Variants in NAV1 observed in about 807,000 individuals in gnomAD.
The protein encoded by NAV1 is neuron navigator 1.
Under a neutral mutation model 175.2 loss-of-function variants are expected in NAV1, and 18 were observed. That is an observed-to-expected ratio of 0.10 (90% CI 0.07 to 0.15). NAV1 has a LOEUF of 0.15. Ranked by LOEUF, NAV1 falls within the 10% of genes least tolerant of loss-of-function variation. NAV1 has a pLI of 1.00. For missense variants in NAV1, 1,731 were observed against 2,436.6 expected, an observed-to-expected ratio of 0.71 and a Z score of 6.10; for synonymous variants, 897 against 978.7, an observed-to-expected ratio of 0.92 and a Z score of 1.56.
chr1:201,621,963 TG>T (rs1668185205), upstream of NAV1, among the ~76,000 whole-genome samples: 1 of 152,180 alleles, frequency 6.6e-6, no homozygotes, highest in African/African-American at 2.4e-5. Context: ...GAGGGGAAGC[TG>T]GTGAAGGGGG....
chr1:201,812,020 T>C lies in NAV1; in HGVS notation c.5024+46T>C, dbSNP rs1475212369. On this transcript the variant is annotated intron_variant, in intron 26 of 29. Transcript: ENST00000367296. The surrounding 1 kb of genome is among the most constrained non-coding windows in gnomAD (Gnocchi z 4.6). ...TGAACCTTCTGACCCTACCCAAGAGTCTTCAATCCTGGACTCTGGCCAGGA... is the reference window on the plus strand; with the variant it reads ...TGAACCTTCTGACCCTACCCAAGAGCCTTCAATCCTGGACTCTGGCCAGGA... The C allele has an allele frequency of 1.3e-6, 2 of 1,566,086 alleles. No individual in the cohort carries two copies. The highest frequency in any genetic ancestry group is 1.1e-5 in the South Asian group (1 of 90,014).
chr1:201,754,332 G>A (rs1192010902), intron 3 of NAV1, among the ~76,000 whole-genome samples: 4 of 152,170 alleles, frequency 2.6e-5, no homozygotes, highest in African/African-American at 9.7e-5. Flanking sequence ...GGTGGGCAGA[G>A]GAGGAAGAAG....
chr1:201,717,159 C>A (rs1171396619), intron 2 of NAV1, among the ~76,000 whole-genome samples: 1 of 152,224 alleles, frequency 6.6e-6, no homozygotes, highest in African/African-American at 2.4e-5. Flanking sequence ...TTTCAAGGAA[C>A]TTGATAGAAA....
chr1:201,816,588 T>A (rs903435841), intron 28 of NAV1, among the ~76,000 whole-genome samples: 3 of 152,028 alleles, frequency 2.0e-5, no homozygotes, highest in Non-Finnish European at 4.4e-5. Context: ...TATTTTACAA[T>A]TTATACCAAC....
Position 201,751,683 on chromosome 1 carries a change from T to C in NAV1, c.1227-28738T>C, listed in dbSNP as rs151203047. On this transcript the variant is annotated intron_variant, in intron 3 of 29. Coordinates refer to ENST00000367296, the Ensembl canonical transcript of NAV1. ...GAGTAGAACATCTGCCTTTCAAAAA[T>C]GTTTGGTAAAGCTGGCATTTACAGG... Among the ~76,000 whole-genome samples the C allele has an allele frequency of 3.9e-5, 6 of 152,332 alleles. No individual in the cohort carries two copies. The East Asian group carries it at 1.2e-3, about 29-fold the overall frequency.
chr1:201,784,567 C>CAATT (rs1162794675), intron 7 of NAV1, among the ~76,000 whole-genome samples: 3 of 109,726 alleles, frequency 2.7e-5, no homozygotes, highest in African/African-American at 6.4e-5. Flanking sequence ...ATAATACGAT[C>CAATT]TATTTTTTTT....
chr1:201,569,304 C>T (rs1039415922), intron 1 of NAV1, among the ~76,000 whole-genome samples: 1 of 152,328 alleles, frequency 6.6e-6, no homozygotes, highest in East Asian at 1.9e-4. Context: ...GCAGCTGCAG[C>T]AGTTCACGGC....
At chr1:201,628,632 T>C (rs1668404376) in intron 1 of NAV1, among the ~76,000 whole-genome samples, 1 of 152,116 alleles carries the variant, frequency 6.6e-6, no homozygotes, top group South Asian at 2.1e-4. Context: ...CCTGCCAAGC[T>C]GCCAAAGTCT....
intron 1 of NAV1, among the ~76,000 whole-genome samples, chr1:201,695,816 AG>A (rs1671166361): frequency 1.3e-5 from 2 of 152,220 alleles, no homozygotes; most frequent in African/African-American, 4.8e-5. Flanking sequence ...GAGCAGTCCC[AG>A]GCCTGAGACC....
At chr1:201,688,872 G>A (rs1272579728) in intron 1 of NAV1, among the ~76,000 whole-genome samples, 1 of 152,192 alleles carries the variant, frequency 6.6e-6, no homozygotes, top group Non-Finnish European at 1.5e-5. Context: ...CTATTGAAAA[G>A]GAGGTTGGTT....
Position 201,671,728 on chromosome 1 carries a change from A to T in NAV1, c.757+22303A>T, listed in dbSNP as rs529503562. Among the ~76,000 whole-genome samples, 6 of 152,264 alleles carry T rather than the reference A, an allele frequency of 3.9e-5. No homozygotes were observed. The East Asian group carries it at 1.2e-3, about 29-fold the overall frequency. On this transcript the variant is annotated intron_variant, in intron 1 of 29. Transcript: ENST00000367296. ...TCTAGGCAGTGGGCATTTCTCACAG[A>T]ATCTCCTAGCTATCTGGTCAGCAGA...
chr1:201,683,851 G>A (rs567337), intron 1 of NAV1, among the ~76,000 whole-genome samples: 125,254 of 149,804 alleles, frequency 0.84, 52,336 homozygotes, highest in East Asian at 0.93. Context: ...GTGCAGCCAC[G>A]TTCAAGGAGG....
intron 1 of NAV1, among the ~76,000 whole-genome samples, chr1:201,706,521 G>A (rs1671676405): frequency 6.6e-6 from 1 of 152,192 alleles, no homozygotes; most frequent in Non-Finnish European, 1.5e-5. Context: ...ACACTGGGCA[G>A]GCCCCTCCCC....
intron 1 of NAV1, among the ~76,000 whole-genome samples, chr1:201,652,698 AC>A (rs1159164670): frequency 6.6e-6 from 1 of 152,014 alleles, no homozygotes; most frequent in Non-Finnish European, 1.5e-5. Flanking sequence ...GCTCATCCTT[AC>A]CCCCTAGGGA....
chr1:201,737,786 A>T (rs1261513088), intron 3 of NAV1, among the ~76,000 whole-genome samples: 1 of 152,232 alleles, frequency 6.6e-6, no homozygotes, highest in African/African-American at 2.4e-5. Flanking sequence ...GCTTACAGCT[A>T]GATCTGGAGA....
chr1:201,781,236 G>C, exon 5 of NAV1: 1 of 1,614,006 alleles, frequency 6.2e-7, no homozygotes, highest in Non-Finnish European at 8.5e-7. Flanking sequence ...GTTCCCTGAA[G>C]AAGGGCAAGA....
In NAV1 at chr1:201,758,581, G is replaced by A. The variant is rs142548293; in HGVS notation, c.1227-21840G>A. Among the ~76,000 whole-genome samples, 180 of 152,256 alleles carry A rather than the reference G, an allele frequency of 1.2e-3. 6 individuals are homozygous for A. The East Asian group carries it at 0.03, about 26-fold the overall frequency. On this transcript the variant is annotated intron_variant, in intron 3 of 29. Transcript: ENST00000367296. ...CCCAAATGTCAGAAACTACTGAGGC[G>A]CAAGGTAGAAGTGACGGAGCAGACA...
intron 3 of NAV1, among the ~76,000 whole-genome samples, chr1:201,764,469 T>C (rs768001061): frequency 2.0e-5 from 3 of 152,190 alleles, no homozygotes; most frequent in Non-Finnish European, 4.4e-5. Flanking sequence ...GTCTCCTTTT[T>C]CTTATAAGGA....
At chr1:201,797,591 TAG>T (rs1459491003) in intron 15 of NAV1, 2 of 152,198 alleles carry the variant, frequency 1.3e-5, no homozygotes, top group African/African-American at 4.8e-5. Flanking sequence ...TATATCAATT[TAG>T]AGAGTATTGC....
Sources: gnomAD v4.1 joint callset for allele counts (sites outside exome capture counted in the v4.1 genomes callset) on GRCh38, gnomAD v4.1.1 for gene constraint, Gnocchi (gnomAD v3.1) non-coding constraint, MANE v1.5 for transcripts, NCBI Gene and HGNC (gene_info 2026-07-23, HGNC 2026-07-21) for gene names.